PACSIN2: variants seen among roughly 807,000 people sequenced by gnomAD.
PACSIN2 encodes the protein protein kinase C and casein kinase substrate in neurons 2.
PACSIN2 carries 25 observed loss-of-function variants against 63.8 expected under a neutral mutation model. That is an observed-to-expected ratio of 0.39 (90% CI 0.29 to 0.55). The LOEUF is 0.55. PACSIN2 is among the 20% of genes least tolerant of loss of function. The probability of loss-of-function intolerance (pLI) is 0.62; values close to 1 mark genes in which losing one functional copy is unlikely to be tolerated. For synonymous variants in PACSIN2, 255 were observed against 256.2 expected (o/e 1.00, Z 0.05); for missense variants, 518 against 646.9 (o/e 0.80, Z 2.16).
At chr22:42,883,116 G>A (rs536218020) in intron 6 of PACSIN2, among the ~76,000 whole-genome samples, 2 of 152,252 alleles carry the variant, frequency 1.3e-5, no homozygotes, top group Non-Finnish European at 1.5e-5. Context: ...GTATTAAAAG[G>A]GGGAAATCCA....
chr22:42,923,794 T>G (rs1234325002), intron 1 of PACSIN2, among the ~76,000 whole-genome samples: 1 of 152,150 alleles, frequency 6.6e-6, no homozygotes, highest in East Asian at 1.9e-4. Context: ...CCTAGCACTT[T>G]GAGAAGCTGA....
intron 1 of PACSIN2, among the ~76,000 whole-genome samples, chr22:42,960,426 G>A (rs560371665): frequency 6.6e-6 from 1 of 152,284 alleles, no homozygotes; most frequent in East Asian, 1.9e-4. Context: ...GTCCCCTGGA[G>A]ACAGGCAGGT....
At chr22:42,986,556 CGCT>C (rs1555945128) in intron 1 of PACSIN2, among the ~76,000 whole-genome samples, 2 of 152,118 alleles carry the variant, frequency 1.3e-5, no homozygotes, top group Non-Finnish European at 2.9e-5. Flanking sequence ...GGGCCCTGCA[CGCT>C]GCTGAGTGCA....
intron 1 of PACSIN2, among the ~76,000 whole-genome samples, chr22:42,936,843 G>A (rs777579128): frequency 4.0e-5 from 6 of 149,880 alleles, no homozygotes; most frequent in African/African-American, 7.4e-5. Context: ...CCCGCGAGAC[G>A]GAGGTTGCAG....
chr22:42,962,783 G>GCGGGGT (rs1920927329), intron 1 of PACSIN2, among the ~76,000 whole-genome samples: 1 of 135,126 alleles, frequency 7.4e-6, no homozygotes, highest in Admixed American at 7.2e-5. Context: ...GGCGGGGGGG[G>GCGGGGT]GGGGCGGCGC....
intron 1 of PACSIN2, among the ~76,000 whole-genome samples, chr22:43,001,523 C>G (rs1923766409): frequency 6.6e-6 from 1 of 152,236 alleles, no homozygotes; most frequent in African/African-American, 2.4e-5. Flanking sequence ...AAGCAGGAAG[C>G]TGGGCAGCGC....
intron 1 of PACSIN2, among the ~76,000 whole-genome samples, chr22:42,977,701 C>T (rs899112564): frequency 1.3e-5 from 2 of 151,958 alleles, no homozygotes; most frequent in Admixed American, 6.6e-5. Context: ...ATCATGGAGG[C>T]GAATTTCCCC....
At chr22:42,900,720 C>A (rs1223141665) in intron 2 of PACSIN2, among the ~76,000 whole-genome samples, 5 of 152,180 alleles carry the variant, frequency 3.3e-5, no homozygotes, top group African/African-American at 1.2e-4. Flanking sequence ...GCAATCCTCC[C>A]AACTTGGACT....
intron 1 of PACSIN2, among the ~76,000 whole-genome samples, chr22:43,008,453 A>G (rs960352981): frequency 2.0e-5 from 3 of 152,100 alleles, no homozygotes; most frequent in Non-Finnish European, 4.4e-5. Context: ...GTTTCACCAT[A>G]TTGGCCAGGC....
chr22:42,933,673 G>C (rs536627357), intron 1 of PACSIN2, among the ~76,000 whole-genome samples: 1 of 152,242 alleles, frequency 6.6e-6, no homozygotes, highest in East Asian at 1.9e-4. Context: ...AACCCCAACG[G>C]GGCCCTCACA....
At chr22:42,979,523 CAAAAAAAAAAA>C (rs768725896) in intron 1 of PACSIN2, among the ~76,000 whole-genome samples, 4 of 61,644 alleles carry the variant, frequency 6.5e-5, no homozygotes, top group South Asian at 5.3e-4. Flanking sequence ...GACTCCCTCT[CAAAAAAAAAAA>C]AAAAAAAAAA....
chr22:42,972,801 A>AT (rs1402363924), intron 1 of PACSIN2, among the ~76,000 whole-genome samples: 1 of 151,988 alleles, frequency 6.6e-6, no homozygotes, highest in Non-Finnish European at 1.5e-5. Flanking sequence ...GGCTGAAGCC[A>AT]TGTTCCCGCC....
intron 2 of PACSIN2, among the ~76,000 whole-genome samples, chr22:42,898,386 C>T (rs989160269): frequency 2.6e-5 from 4 of 152,074 alleles, no homozygotes; most frequent in African/African-American, 9.7e-5. Context: ...ATTCTCTTGC[C>T]TCAGCCTCAC....
intron 1 of PACSIN2, among the ~76,000 whole-genome samples, chr22:43,010,385 C>CATATATATATATATATATATATATAT (rs1253098949): frequency 9.1e-5 from 6 of 66,058 alleles, no homozygotes; most frequent in Admixed American, 1.9e-4. Flanking sequence ...TTTAAAAATA[C>CATATATATATATATATATATATATAT]ATATATATAT....
intron 1 of PACSIN2, among the ~76,000 whole-genome samples, chr22:42,941,283 C>G (rs1221618601): frequency 6.6e-6 from 1 of 152,192 alleles, no homozygotes; most frequent in Non-Finnish European, 1.5e-5. Context: ...AATTTGTTTG[C>G]CCATTACCAA....
In PACSIN2 at chr22:42,983,499, A is replaced by AC. The variant is rs1555944121; in HGVS notation, c.-78+31521_-78+31522insG. Reference sequence around the variant, plus strand: ...AGTGAGACTCCATCTCAAAAAAAAAAAAAAAAAAACAGATATTGAAGGCAA... The same window carrying AC: ...AGTGAGACTCCATCTCAAAAAAAAAACAAAAAAAAACAGATATTGAAGGCAA... On this transcript the variant is annotated intron_variant, in intron 1 of 10. Transcript: ENST00000263246. Among the ~76,000 whole-genome samples the AC allele has an allele frequency of 2.6e-4, 38 of 145,916 alleles. 1 individual carries two copies. In the East Asian group the frequency reaches 5.7e-3, roughly 22 times the overall value.
chr22:42,885,062 C>T (rs777533977), intron 5 of PACSIN2, among the ~76,000 whole-genome samples: 19 of 152,246 alleles, frequency 1.2e-4, no homozygotes, highest in Non-Finnish European at 5.9e-5. Flanking sequence ...AGTCCTCCTT[C>T]TCTTGTCTTT....
chr22:42,907,576 C>T (rs541957507), intron 2 of PACSIN2, among the ~76,000 whole-genome samples: 6 of 152,362 alleles, frequency 3.9e-5, no homozygotes, highest in African/African-American at 1.4e-4. Context: ...CACAGGCAGG[C>T]CATCACACGG....
chr22:42,887,818 C>T (rs1262436269), intron 5 of PACSIN2, among the ~76,000 whole-genome samples: 2 of 152,186 alleles, frequency 1.3e-5, no homozygotes, highest in Non-Finnish European at 2.9e-5. Context: ...CTCATTAACC[C>T]ATGGGGCAGA....
Sources: gnomAD v4.1 joint callset for allele counts (sites outside exome capture counted in the v4.1 genomes callset) on GRCh38, gnomAD v4.1.1 for gene constraint, MANE v1.5 for transcripts, NCBI Gene and HGNC (gene_info 2026-07-23, HGNC 2026-07-21) for gene names.